Variants in TENM3 observed in about 807,000 individuals in gnomAD.
TENM3 encodes teneurin-3.
Under a neutral mutation model 255.1 loss-of-function variants are expected in TENM3, and 63 were observed. The observed-to-expected ratio is 0.25, with a 90% CI of 0.20 to 0.30. The LOEUF is 0.30. Among genes scored for constraint, TENM3 ranks in the 10% least tolerant of loss-of-function variants. The probability of loss-of-function intolerance (pLI) is 1.00; values close to 1 mark genes in which losing one functional copy is unlikely to be tolerated. For missense variants in TENM3, 2,929 were observed against 3,461.1 expected, an observed-to-expected ratio of 0.85 and a Z score of 3.86; for synonymous variants, 1,306 against 1,322.3, an observed-to-expected ratio of 0.99 and a Z score of 0.27.
chr4:181,820,678 A>G, the TENM3 span, among the ~76,000 whole-genome samples: 1 of 152,158 alleles, frequency 6.6e-6, no homozygotes, highest in Non-Finnish European at 1.5e-5. Flanking sequence ...TTCATGTTCT[A>G]ATGGGGGCCT....
chr4:182,263,201 A>G (rs1758979572), intron 1 of TENM3, among the ~76,000 whole-genome samples: 1 of 152,042 alleles, frequency 6.6e-6, no homozygotes, highest in Non-Finnish European at 1.5e-5. Context: ...CGTCTTGCGA[A>G]CCACAAAGAG....
chr4:181,632,157 G>A, the TENM3 span, among the ~76,000 whole-genome samples: 1 of 152,272 alleles, frequency 6.6e-6, no homozygotes, highest in East Asian at 1.9e-4. Context: ...GGCTGGGGAG[G>A]CCTCAGGAAA....
intron 1 of TENM3, among the ~76,000 whole-genome samples, chr4:182,193,371 C>T (rs1027085837): frequency 6.6e-6 from 1 of 152,190 alleles, no homozygotes; most frequent in Non-Finnish European, 1.5e-5. Context: ...AGTTATAATA[C>T]TCAAACTGAC....
intron 12 of TENM3, among the ~76,000 whole-genome samples, chr4:182,713,435 ATT>A (rs1476510676): frequency 6.6e-6 from 1 of 152,142 alleles, no homozygotes; most frequent in Admixed American, 6.5e-5. Flanking sequence ...CTGCTTCACT[ATT>A]TCCTGGGCTT....
At chr4:182,065,863 G>T in the TENM3 span, among the ~76,000 whole-genome samples, 1 of 152,282 alleles carries the variant, frequency 6.6e-6, no homozygotes, top group Admixed American at 6.5e-5. Flanking sequence ...TCTCACCAGC[G>T]AATTCCCTCA....
chr4:181,505,771 G>A, the TENM3 span, among the ~76,000 whole-genome samples: 1 of 152,056 alleles, frequency 6.6e-6, no homozygotes, highest in African/African-American at 2.4e-5. Context: ...TTCAATTAGG[G>A]TTCTCTGCTA....
chr4:181,537,170 G>A, the TENM3 span, among the ~76,000 whole-genome samples: 3 of 151,720 alleles, frequency 2.0e-5, no homozygotes, highest in South Asian at 2.1e-4. Context: ...GCAGACTAAG[G>A]TTGGGCTTTG....
intron 3 of TENM3, among the ~76,000 whole-genome samples, chr4:182,422,915 T>C (rs982637644): frequency 6.6e-5 from 10 of 152,294 alleles, no homozygotes; most frequent in Middle Eastern, 3.4e-3. Flanking sequence ...AAAGTCTAAG[T>C]TGCGGAGCTC....
chr4:182,234,725 C>T (rs1202817467), intron 1 of TENM3, among the ~76,000 whole-genome samples: 2 of 152,064 alleles, frequency 1.3e-5, no homozygotes, highest in African/African-American at 2.4e-5. Flanking sequence ...GAGCAAGATT[C>T]CCTTTCAAAA....
the TENM3 span, among the ~76,000 whole-genome samples, chr4:182,065,488 G>A: frequency 2.0e-5 from 3 of 152,358 alleles, no homozygotes; most frequent in African/African-American, 4.8e-5. Flanking sequence ...AGGAGGAAGA[G>A]AGCAAAGATA....
the TENM3 span, among the ~76,000 whole-genome samples, chr4:181,612,659 CTTTTTTTCTTTTT>C: frequency 6.6e-6 from 1 of 152,048 alleles, no homozygotes; most frequent in Non-Finnish European, 1.5e-5. Context: ...TTTTCCTTTT[CTTTTTTTCTTTTT>C]ATGTGATAGG....
intron 1 of TENM3, among the ~76,000 whole-genome samples, chr4:182,303,787 TGGACA>T: frequency 6.6e-6 from 1 of 152,336 alleles, no homozygotes; most frequent in Middle Eastern, 3.4e-3. Flanking sequence ...ATTTTAGCTA[TGGACA>T]TTAAACTTTT....
chr4:181,811,930 G>A, the TENM3 span, among the ~76,000 whole-genome samples: 15 of 152,182 alleles, frequency 9.9e-5, no homozygotes, highest in African/African-American at 2.2e-4. Flanking sequence ...TACATTCTTC[G>A]AAAACTAGAT....
chr4:181,844,677 AAAT>A, the TENM3 span, among the ~76,000 whole-genome samples: 126 of 152,042 alleles, frequency 8.3e-4, no homozygotes, highest in African/African-American at 2.8e-3. Context: ...CAAAAAAATA[AAAT>A]AAAATAAAAT....
chr4:182,142,633 G>A (rs1313432615), upstream of TENM3: 7 of 167,314 alleles, frequency 4.2e-5, no homozygotes, highest in Non-Finnish European at 1.5e-5. Context: ...GTGGCGCGAG[G>A]CGGCTGGCGC....
At chr4:181,605,301 A>G in the TENM3 span, among the ~76,000 whole-genome samples, 1 of 151,658 alleles carries the variant, frequency 6.6e-6, no homozygotes, top group African/African-American at 2.4e-5. Flanking sequence ...AAAGAAAAAA[A>G]AGAATTAGCC....
At chr4:181,540,388 T>A in the TENM3 span, among the ~76,000 whole-genome samples, 73,377 of 151,990 alleles carry the variant, frequency 0.48, 19,509 homozygotes, top group African/African-American at 0.68. Flanking sequence ...ATTTATATAG[T>A]TGCTCCACCA....
the TENM3 span, among the ~76,000 whole-genome samples, chr4:181,938,589 C>T: frequency 3.9e-5 from 6 of 152,160 alleles, no homozygotes; most frequent in Non-Finnish European, 5.9e-5. Context: ...CCTAATGCTC[C>T]TTTTTATACA....
At chr4:181,541,535 A>T in the TENM3 span, among the ~76,000 whole-genome samples, 2 of 152,192 alleles carry the variant, frequency 1.3e-5, no homozygotes, top group Non-Finnish European at 2.9e-5. Context: ...ATGGTTTGGC[A>T]ATTCCAACCC....
Sources: allele counts gnomAD v4.1 joint callset (sites outside exome capture counted in the v4.1 genomes callset), GRCh38; gene constraint gnomAD v4.1.1; transcripts MANE v1.5; gene names NCBI Gene and HGNC (gene_info 2026-07-23, HGNC 2026-07-21).